SPATA6: variants seen among roughly 807,000 people sequenced by gnomAD.
The protein encoded by SPATA6 is spermatogenesis associated 6.
Under a neutral mutation model 65.3 loss-of-function variants are expected in SPATA6, and 56 were observed. The observed-to-expected ratio is 0.86, with a 90% CI of 0.69 to 1.07. The LOEUF (loss-of-function observed/expected upper bound fraction) is 1.07. SPATA6 is among the 50% of genes least tolerant of loss of function. The probability of loss-of-function intolerance (pLI) is 0.00; values close to 1 mark genes in which losing one functional copy is unlikely to be tolerated. For missense variants in SPATA6, 590 were observed against 594.8 expected (o/e 0.99, Z 0.08); for synonymous variants, 199 against 213.2 (o/e 0.93, Z 0.58).
At chr1:48,368,889 G>C (rs1160132128) in intron 9 of SPATA6, among the ~76,000 whole-genome samples, 1 of 152,098 alleles carries the variant, frequency 6.6e-6, no homozygotes, top group Non-Finnish European at 1.5e-5. Context: ...TAGATTTCCA[G>C]TTTTTCTGCT....
intron 3 of SPATA6, among the ~76,000 whole-genome samples, chr1:48,451,351 C>T (rs912410501): frequency 6.6e-6 from 1 of 152,182 alleles, no homozygotes; most frequent in African/African-American, 2.4e-5. Flanking sequence ...AAAGAATTCT[C>T]AGCCTCTCTG....
chr1:48,332,706 C>T (rs1045269040), intron 11 of SPATA6, among the ~76,000 whole-genome samples: 9 of 152,146 alleles, frequency 5.9e-5, no homozygotes, highest in African/African-American at 2.2e-4. Context: ...GACCTGAACT[C>T]AACACTTGAC....
At chr1:48,398,267 T>C (rs1650793186) in intron 7 of SPATA6, among the ~76,000 whole-genome samples, 1 of 151,594 alleles carries the variant, frequency 6.6e-6, no homozygotes, top group Admixed American at 6.6e-5. Flanking sequence ...TTTTCTTTTA[T>C]GATAAAACAA....
chr1:48,271,482 ACT>A, the SPATA6 span, among the ~76,000 whole-genome samples: 3 of 152,150 alleles, frequency 2.0e-5, no homozygotes, highest in African/African-American at 7.2e-5. Flanking sequence ...GTACAGGTAG[ACT>A]TGCTGATAGC....
intron 8 of SPATA6, among the ~76,000 whole-genome samples, chr1:48,386,770 G>T (rs1408939141): frequency 6.6e-6 from 1 of 152,162 alleles, no homozygotes; most frequent in Non-Finnish European, 1.5e-5. Flanking sequence ...ACCATGCACT[G>T]CCCAAGAGAG....
chr1:48,384,130 T>C (rs1357485332), intron 9 of SPATA6, among the ~76,000 whole-genome samples: 1 of 149,870 alleles, frequency 6.7e-6, no homozygotes, highest in Non-Finnish European at 1.5e-5. Flanking sequence ...GGCTAGGAGC[T>C]GGAGACCAGC....
At chr1:48,362,432 T>C (rs901433268) in intron 9 of SPATA6, among the ~76,000 whole-genome samples, 2 of 152,182 alleles carry the variant, frequency 1.3e-5, no homozygotes, top group East Asian at 1.9e-4. Context: ...TGCTAAATTT[T>C]ATCCCCAAAC....
intron 12 of SPATA6, among the ~76,000 whole-genome samples, chr1:48,300,249 A>T (rs529023758): frequency 1.3e-5 from 2 of 152,330 alleles, no homozygotes; most frequent in South Asian, 4.1e-4. Flanking sequence ...TTATTTTCTT[A>T]TATAAATAAT....
chr1:48,374,347 A>G (rs1647644534), intron 9 of SPATA6, among the ~76,000 whole-genome samples: 1 of 152,180 alleles, frequency 6.6e-6, no homozygotes, highest in Non-Finnish European at 1.5e-5. Flanking sequence ...AATAGGAACA[A>G]GCCATAAAGT....
chr1:48,382,406 C>G (rs1307712188), intron 9 of SPATA6, among the ~76,000 whole-genome samples: 5 of 138,844 alleles, frequency 3.6e-5, no homozygotes, highest in Admixed American at 1.4e-4. Context: ...CCAGTAGGGG[C>G]GGCCGGGCAG....
Position 48,399,449 on chromosome 1 carries a change from C to CA in SPATA6, c.681dup (p.Glu228Ter). The CA allele has an allele frequency of 6.2e-7, 1 of 1,613,162 alleles. No homozygotes were observed. ...CGCCGCCTGGTGTCTTCAGATAGCT[C>CA]ACACATGCGTCTTTTTGTGTAGGGA... On this transcript the variant is annotated frameshift_variant, in exon 7 of 13. Transcript: ENST00000371847. LOFTEE classifies it high-confidence loss of function.
chr1:48,292,141 C>T (rs182609894), downstream of SPATA6, among the ~76,000 whole-genome samples: 2 of 152,294 alleles, frequency 1.3e-5, no homozygotes, highest in Non-Finnish European at 2.9e-5. Flanking sequence ...TTCTTTTATC[C>T]TTGCATTGGT....
intron 1 of SPATA6, among the ~76,000 whole-genome samples, chr1:48,469,873 C>A (rs921202756): frequency 6.6e-6 from 1 of 151,832 alleles, no homozygotes. Context: ...TTTTAAAAGG[C>A]TTTTGTTGTT....
At chr1:48,389,237 G>A (rs1224460123) in intron 8 of SPATA6, among the ~76,000 whole-genome samples, 5 of 152,150 alleles carry the variant, frequency 3.3e-5, no homozygotes, top group Non-Finnish European at 7.3e-5. Context: ...AAATAACCCA[G>A]TCAGGCAAAA....
chr1:48,312,942 C>T (rs1372310693), intron 11 of SPATA6, among the ~76,000 whole-genome samples: 1 of 152,026 alleles, frequency 6.6e-6, no homozygotes, highest in Non-Finnish European at 1.5e-5. Context: ...TAAGAAAGGG[C>T]ATCAGTGATG....
chr1:48,380,705 G>A (rs57545394), intron 9 of SPATA6, among the ~76,000 whole-genome samples: 3,762 of 152,202 alleles, frequency 0.025, 101 homozygotes, highest in African/African-American at 0.067. Flanking sequence ...AGATCAATAG[G>A]TCCTTGCCAT....
At chr1:48,413,822 G>A (rs1391959699) in intron 3 of SPATA6, among the ~76,000 whole-genome samples, 2 of 152,062 alleles carry the variant, frequency 1.3e-5, no homozygotes, top group African/African-American at 2.4e-5. Flanking sequence ...TATATTTTAT[G>A]CTATATGTAT....
intron 11 of SPATA6, among the ~76,000 whole-genome samples, chr1:48,340,739 TA>T (rs1646193154): frequency 6.6e-6 from 1 of 151,938 alleles, no homozygotes; most frequent in African/African-American, 2.4e-5. Flanking sequence ...AAAGAAAAGT[TA>T]AATAATATAA....
At chr1:48,388,412 T>C (rs986275186) in intron 8 of SPATA6, among the ~76,000 whole-genome samples, 2 of 152,038 alleles carry the variant, frequency 1.3e-5, no homozygotes, top group South Asian at 2.1e-4. Context: ...GATATCAATG[T>C]AAGGACAAAG....
Sources: allele counts gnomAD v4.1 joint callset (sites outside exome capture counted in the v4.1 genomes callset), GRCh38; gene constraint gnomAD v4.1.1; transcripts MANE v1.5; gene names NCBI Gene and HGNC (gene_info 2026-07-23, HGNC 2026-07-21).